Variants in SUCLG2 observed in about 807,000 individuals in gnomAD.
SUCLG2 encodes the protein succinate--CoA ligase [GDP-forming] subunit beta, mitochondrial.
In SUCLG2, 42 loss-of-function variants were observed where a neutral mutation model predicts 47.9. That is an observed-to-expected ratio of 0.88 (90% CI 0.69 to 1.14). SUCLG2 has a LOEUF of 1.14. SUCLG2 is among the 50% of genes most tolerant of loss of function. The pLI is 0.00. For missense variants in SUCLG2, 571 were observed against 525.9 expected, an observed-to-expected ratio of 1.09 and a Z score of -0.84; for synonymous variants, 195 against 197.3, an observed-to-expected ratio of 0.99 and a Z score of 0.10.
chr3:67,601,718 G>A (rs1708421812), intron 2 of SUCLG2, among the ~76,000 whole-genome samples: 1 of 152,114 alleles, frequency 6.6e-6, no homozygotes, highest in Non-Finnish European at 1.5e-5. Flanking sequence ...TCCCAACTTG[G>A]CCTCCCAAAG....
intron 10 of SUCLG2, among the ~76,000 whole-genome samples, chr3:67,381,218 TAA>T (rs1045417491): frequency 6.6e-6 from 1 of 150,736 alleles, no homozygotes; most frequent in Non-Finnish European, 1.5e-5. Context: ...TAAAATAAAA[TAA>T]AATAAAAGTA....
intron 2 of SUCLG2, among the ~76,000 whole-genome samples, chr3:67,563,214 A>G (rs1046178916): frequency 2.6e-5 from 4 of 152,078 alleles, no homozygotes; most frequent in African/African-American, 7.2e-5. Flanking sequence ...TCCCAAAACC[A>G]GAGCCAGAAA....
rs565562018 is a variant in SUCLG2 at position 67,392,285 on chromosome 3, C to T, written c.1183+8446G>A. Among the ~76,000 whole-genome samples the T allele has an allele frequency of 1.6e-4, 24 of 152,318 alleles. No homozygotes were observed. The South Asian group carries it at 5.0e-3, about 32-fold the overall frequency. On this transcript the variant is annotated intron_variant, in intron 10 of 10. Transcript: ENST00000307227. ...ACCTTTTCCCTGCAGAACCCCCTTG[C>T]TCCTTCCTCCTGGTGTTCAATTCTT... is the stretch of plus-strand genomic sequence containing the variant.
chr3:67,609,649 A>G (rs2107313441), intron 1 of SUCLG2, 53 bp from the exon 2 acceptor site: 1 of 1,576,396 alleles, frequency 6.3e-7, no homozygotes, highest in Non-Finnish European at 8.6e-7. Context: ...CAAGAAAAAT[A>G]AAAGTCAACC....
intron 10 of SUCLG2, among the ~76,000 whole-genome samples, chr3:67,389,968 T>C (rs1702344954): frequency 6.6e-6 from 1 of 152,174 alleles, no homozygotes; most frequent in Non-Finnish European, 1.5e-5. Context: ...CCAGTAGCTA[T>C]TACAAAGCCA....
intron 9 of SUCLG2, among the ~76,000 whole-genome samples, chr3:67,494,726 G>A (rs1256857315): frequency 6.6e-6 from 1 of 152,174 alleles, no homozygotes; most frequent in East Asian, 1.9e-4. Context: ...TGAAAACCGT[G>A]TACATTAGAC....
chr3:67,595,732 G>A (rs1276909793), intron 2 of SUCLG2, among the ~76,000 whole-genome samples: 1 of 152,142 alleles, frequency 6.6e-6, no homozygotes, highest in African/African-American at 2.4e-5. Context: ...GGCACATGAG[G>A]ATTCAGTGAG....
At chr3:67,386,953 G>C (rs185276294) in intron 10 of SUCLG2, among the ~76,000 whole-genome samples, 416 of 152,292 alleles carry the variant, frequency 2.7e-3, no homozygotes, top group African/African-American at 9.4e-3. Context: ...GTTGTAGCCT[G>C]TGTTGTTCTC....
intron 2 of SUCLG2, among the ~76,000 whole-genome samples, chr3:67,597,076 G>A (rs1012894057): frequency 1.3e-5 from 2 of 152,186 alleles, no homozygotes; most frequent in East Asian, 3.9e-4. Flanking sequence ...AGCTGTCTTT[G>A]TCTAAGGAGA....
In SUCLG2 at chr3:67,398,154, GC is replaced by G. The variant is rs1191671284; in HGVS notation, c.1183+2576del. On this transcript the variant is annotated intron_variant, in intron 10 of 10. Coordinates refer to ENST00000307227, the MANE Select transcript of SUCLG2 (RefSeq NM_003848.4). ...AACACCAAAAGCAATGGCAACAAAAGCCAAAATTGACAAATGGGATCTAATT... is the reference window on the plus strand; with the variant it reads ...AACACCAAAAGCAATGGCAACAAAAGCAAAATTGACAAATGGGATCTAATT... 1.9e-4 allele frequency among the ~76,000 whole-genome samples: 28 copies of G among 150,286 alleles called. 3 individuals are homozygous for G. Among genetic ancestry groups the G allele is most frequent in the African/African-American group, 6.1e-4 (25 of 40,890 alleles).
intron 9 of SUCLG2, among the ~76,000 whole-genome samples, chr3:67,458,826 T>A (rs908260512): frequency 2.0e-5 from 3 of 152,180 alleles, no homozygotes; most frequent in Non-Finnish European, 4.4e-5. Context: ...GTCTGTCATA[T>A]GGTCCTTTGA....
intron 2 of SUCLG2, among the ~76,000 whole-genome samples, chr3:67,608,729 G>A (rs1197751125): frequency 6.6e-6 from 1 of 151,348 alleles, no homozygotes; most frequent in African/African-American, 2.4e-5. Flanking sequence ...CCAGGCTAGA[G>A]TATGTTAGAG....
chr3:67,512,937 A>G (rs1705836652), intron 6 of SUCLG2, among the ~76,000 whole-genome samples: 1 of 150,708 alleles, frequency 6.6e-6, no homozygotes, highest in Admixed American at 6.6e-5. Context: ...ACGCACATAT[A>G]TATCTCTCCA....
At position 67,391,533 on chromosome 3, in the gene SUCLG2, A is replaced by G. The variant is rs539217791; in HGVS notation, c.1183+9198T>C. Among the ~76,000 whole-genome samples the G allele has an allele frequency of 2.6e-5, 4 of 152,308 alleles. No homozygotes were observed. In the South Asian group the frequency reaches 8.3e-4, roughly 32 times the overall value. ...GTGGCTATTCATTCTTCAAGTCTTC[A>G]GTTATGCTAGGTTCTAAGACCAAGA... On this transcript the variant is annotated intron_variant, in intron 10 of 10. Coordinates refer to ENST00000307227, the MANE Select transcript of SUCLG2 (RefSeq NM_003848.4).
intron 7 of SUCLG2, among the ~76,000 whole-genome samples, chr3:67,505,652 A>C (rs1364827411): frequency 8.5e-5 from 13 of 152,272 alleles, no homozygotes; most frequent in Admixed American, 2.6e-4. Flanking sequence ...GAAGGTCAAA[A>C]AAAGTTTCCT....
intron 2 of SUCLG2, among the ~76,000 whole-genome samples, chr3:67,541,167 T>A (rs1161627015): frequency 2.6e-5 from 4 of 151,932 alleles, no homozygotes; most frequent in African/African-American, 9.7e-5. Context: ...GGATCACAAC[T>A]CCTTGCCACC....
intron 9 of SUCLG2, among the ~76,000 whole-genome samples, chr3:67,415,919 C>T (rs1004778724): frequency 5.9e-5 from 9 of 152,174 alleles, no homozygotes; most frequent in Non-Finnish European, 1.2e-4. Flanking sequence ...GGGGCTCCTT[C>T]CTATTTGTTC....
chr3:67,585,209 G>A (rs1707985135), intron 2 of SUCLG2, among the ~76,000 whole-genome samples: 1 of 152,108 alleles, frequency 6.6e-6, no homozygotes, highest in Non-Finnish European at 1.5e-5. Flanking sequence ...CCCACAGCTT[G>A]CTTGCTCTCT....
intron 9 of SUCLG2, among the ~76,000 whole-genome samples, chr3:67,466,493 CT>C: frequency 6.6e-6 from 1 of 152,322 alleles, no homozygotes; most frequent in South Asian, 2.1e-4. Context: ...ATCTATCTAA[CT>C]GGCTTTGTAG....
Sources: allele counts gnomAD v4.1 joint callset (sites outside exome capture counted in the v4.1 genomes callset), GRCh38; gene constraint gnomAD v4.1.1; transcripts MANE v1.5; gene names NCBI Gene and HGNC (gene_info 2026-07-23, HGNC 2026-07-21).